Variants in GRIA4 observed in about 807,000 individuals in gnomAD.
The protein encoded by GRIA4 is glutamate receptor 4.
Under a neutral mutation model 104.0 loss-of-function variants are expected in GRIA4, and 34 were observed. The ratio of observed to expected loss-of-function variants is 0.33; its 90% CI spans 0.25 to 0.44. The LOEUF (loss-of-function observed/expected upper bound fraction) is 0.44, where lower values mean the gene tolerates loss of function less well. Ranked by LOEUF, GRIA4 falls within the 20% of genes least tolerant of loss-of-function variation. The pLI is 1.00. For synonymous variants in GRIA4, 386 were observed against 381.9 expected (o/e 1.01, Z -0.13); for missense variants, 750 against 1,096.5 (o/e 0.68, Z 4.46).
At chr11:105,950,691 T>C (rs1352379098) in intron 14 of GRIA4, among the ~76,000 whole-genome samples, 2 of 152,154 alleles carry the variant, frequency 1.3e-5, no homozygotes, top group African/African-American at 4.8e-5. Flanking sequence ...ATCTGTTCAG[T>C]TGACAAGACC....
At chr11:105,839,329 T>C (rs1184772305) in intron 4 of GRIA4, among the ~76,000 whole-genome samples, 1 of 152,146 alleles carries the variant, frequency 6.6e-6, no homozygotes, top group African/African-American at 2.4e-5. Flanking sequence ...GGAACATATT[T>C]ACTCTTCTTT....
chr11:105,954,460 CA>C (rs1252800363), intron 14 of GRIA4, among the ~76,000 whole-genome samples: 2 of 152,030 alleles, frequency 1.3e-5, no homozygotes, highest in African/African-American at 4.8e-5. Context: ...GCATAAAGAA[CA>C]AATGCAATTT....
At chr11:105,914,562 C>A (rs1947345586) in intron 10 of GRIA4, among the ~76,000 whole-genome samples, 3 of 152,142 alleles carry the variant, frequency 2.0e-5, no homozygotes, top group South Asian at 4.2e-4. Flanking sequence ...TACATAAATA[C>A]TTTCATAAAC....
chr11:105,656,510 A>G (rs1490314792), intron 3 of GRIA4, among the ~76,000 whole-genome samples: 1 of 152,180 alleles, frequency 6.6e-6, no homozygotes, highest in East Asian at 1.9e-4. Flanking sequence ...AACAAAAGCC[A>G]AAATTGACAA....
At chr11:105,913,045 T>C in intron 10 of GRIA4, 2 of 900,468 alleles carry the variant, frequency 2.2e-6, no homozygotes, top group Non-Finnish European at 2.7e-6. Context: ...GTGTATGTTC[T>C]TATTTATATG....
chr11:105,694,949 T>C (rs1389176684), intron 3 of GRIA4, among the ~76,000 whole-genome samples: 2 of 152,190 alleles, frequency 1.3e-5, no homozygotes, highest in Admixed American at 1.3e-4. Flanking sequence ...GAGCACTTAA[T>C]TGGTCACAAA....
At chr11:105,922,322 G>C (rs1314459417) in intron 11 of GRIA4, among the ~76,000 whole-genome samples, 1 of 152,148 alleles carries the variant, frequency 6.6e-6, no homozygotes, top group Admixed American at 6.6e-5. Flanking sequence ...AGCTGAACAT[G>C]CCTTTGCATA....
intron 4 of GRIA4, among the ~76,000 whole-genome samples, chr11:105,810,403 C>T (rs1268027048): frequency 6.6e-6 from 1 of 152,150 alleles, no homozygotes; most frequent in African/African-American, 2.4e-5. Flanking sequence ...TAGTTGCTCT[C>T]ACTAACCATC....
At chr11:105,686,824 A>G (rs1952897571) in intron 3 of GRIA4, among the ~76,000 whole-genome samples, 1 of 152,134 alleles carries the variant, frequency 6.6e-6, no homozygotes, top group African/African-American at 2.4e-5. Flanking sequence ...TCTGATGATT[A>G]GTGAATGTGT....
chr11:105,624,747 T>C (rs1950842860), intron 3 of GRIA4, among the ~76,000 whole-genome samples: 1 of 152,080 alleles, frequency 6.6e-6, no homozygotes, highest in African/African-American at 2.4e-5. Context: ...TCTCCTGCTT[T>C]CTTAATGGGA....
chr11:105,677,814 A>G (rs1385263732), intron 3 of GRIA4, among the ~76,000 whole-genome samples: 1 of 152,032 alleles, frequency 6.6e-6, no homozygotes, highest in African/African-American at 2.4e-5. Flanking sequence ...GGAAATAGCA[A>G]TCACAGAAGG....
At chr11:105,799,342 A>G (rs149136943) in intron 4 of GRIA4, among the ~76,000 whole-genome samples, 21 of 152,234 alleles carry the variant, frequency 1.4e-4, no homozygotes, top group Middle Eastern at 3.4e-3. Context: ...AAAAGAAAGA[A>G]ACTGAGGATG....
chr11:105,706,670 T>C (rs1048029251), intron 3 of GRIA4: 2 of 152,614 alleles, frequency 1.3e-5, no homozygotes, highest in African/African-American at 4.8e-5. Flanking sequence ...AAGAGAGGTG[T>C]GATGTTAGCC....
chr11:105,644,098 A>G (rs11226818), intron 3 of GRIA4, among the ~76,000 whole-genome samples: 78,800 of 152,012 alleles, frequency 0.52, 20,676 homozygotes, highest in Admixed American at 0.61. Context: ...AGCATAGAAA[A>G]ATTTTCAAAG....
chr11:105,855,433 T>C lies in GRIA4; in HGVS notation c.488-6591T>C, dbSNP rs138520773. On this transcript the variant is annotated intron_variant, in intron 4 of 16. Coordinates refer to ENST00000282499, the MANE Select transcript of GRIA4 (RefSeq NM_000829.4). ...ACACATTGGAACTGTGAGCTTTATA[T>C]AATGTGATATAAAAAAGTATCAAAT... Among the ~76,000 whole-genome samples the C allele has an allele frequency of 4.3e-3, 647 of 152,232 alleles. 10 individuals carry two copies. Among genetic ancestry groups the C allele is most frequent in the Non-Finnish European group, 3.1e-3 (214 of 68,020 alleles).
chr11:105,657,408 T>C (rs1216611691), intron 3 of GRIA4, among the ~76,000 whole-genome samples: 1 of 152,022 alleles, frequency 6.6e-6, no homozygotes, highest in Non-Finnish European at 1.5e-5. Context: ...AAAAAGTTAA[T>C]ATATTATTCA....
chr11:105,925,749 TA>T (rs1282554872), intron 12 of GRIA4, among the ~76,000 whole-genome samples: 32 of 152,246 alleles, frequency 2.1e-4, no homozygotes, highest in African/African-American at 7.5e-4. Context: ...AATATTAAGT[TA>T]AACCCAATAG....
At chr11:105,830,144 G>A (rs1323223412) in intron 4 of GRIA4, among the ~76,000 whole-genome samples, 3 of 151,974 alleles carry the variant, frequency 2.0e-5, no homozygotes, top group African/African-American at 4.8e-5. Context: ...ACGCCATTCT[G>A]TATGCTGAAA....
rs1277571023 is a variant in GRIA4, at chr11:105,611,046, G to A, written c.49G>A (p.Gly17Arg). ...QIVLLFSGFW[G>R]LAMGAFPSSV... ...TGTCTTGTTATTTTCTGGATTTTGG[G>A]GACTCGCCATGGGAGCCTTTCCGAG... Residue 17 changes from glycine to arginine, a missense_variant, in exon 2 of 17, where the codon GGA becomes AGA. Physicochemically the swap from Gly to Arg is moderately radical, Grantham distance 125. Coordinates refer to ENST00000282499, the MANE Select transcript of GRIA4 (RefSeq NM_000829.4). The A allele has an allele frequency of 3.1e-6, 5 of 1,613,562 alleles. No individual in the cohort carries two copies. Among genetic ancestry groups the A allele is most frequent in the Non-Finnish European group, 3.4e-6 (4 of 1,179,774 alleles).
Sources: gnomAD v4.1 joint callset for allele counts (sites outside exome capture counted in the v4.1 genomes callset) on GRCh38, gnomAD v4.1.1 for gene constraint, MANE v1.5 for transcripts, NCBI Gene and HGNC (gene_info 2026-07-23, HGNC 2026-07-21) for gene names.